MTA3: variants seen among roughly 807,000 people sequenced by gnomAD.
The protein encoded by MTA3 is metastasis associated 1 family member 3.
A neutral mutation model predicts 83.5 loss-of-function variants in MTA3; 34 were observed. That is an observed-to-expected ratio of 0.41 (90% CI 0.31 to 0.54). MTA3 has a LOEUF of 0.54. Ranked by LOEUF, MTA3 falls within the 20% of genes least tolerant of loss-of-function variation. The pLI is 0.33. For missense variants in MTA3, 761 were observed against 726.4 expected, an observed-to-expected ratio of 1.05 and a Z score of -0.55; for synonymous variants, 303 against 252.7, an observed-to-expected ratio of 1.20 and a Z score of -1.89.
At chr2:42,619,281 C>T (rs1685264660) in intron 4 of MTA3, among the ~76,000 whole-genome samples, 1 of 152,118 alleles carries the variant, frequency 6.6e-6, no homozygotes, top group Admixed American at 6.6e-5. Flanking sequence ...AAAACTAACC[C>T]AGTGTCACTG....
chr2:42,584,965 T>A (rs1015509861), intron 3 of MTA3, among the ~76,000 whole-genome samples: 1 of 151,652 alleles, frequency 6.6e-6, no homozygotes, highest in African/African-American at 2.4e-5. Context: ...AGAGTCTCGC[T>A]CTGTCACCTA....
At chr2:42,552,855 C>G (rs1677180609) in intron 2 of MTA3, among the ~76,000 whole-genome samples, 1 of 151,514 alleles carries the variant, frequency 6.6e-6, no homozygotes, top group South Asian at 2.1e-4. Flanking sequence ...GAGGCTGAGG[C>G]AGGAGAATTG....
At chr2:42,636,609 C>T (rs1363602469) in intron 4 of MTA3, among the ~76,000 whole-genome samples, 4 of 150,054 alleles carry the variant, frequency 2.7e-5, no homozygotes, top group African/African-American at 9.8e-5. Flanking sequence ...CTAATTTAAA[C>T]TTCTTTCTCT....
At chr2:42,568,925 C>T (rs1475664293) in intron 1 of MTA3, among the ~76,000 whole-genome samples, 152 bp downstream of exon 1, 2 of 151,420 alleles carry the variant, frequency 1.3e-5, no homozygotes, top group African/African-American at 2.4e-5. Context: ...GGCCGGGACT[C>T]CCCACCCCCA....
intron 2 of MTA3, among the ~76,000 whole-genome samples, chr2:42,553,156 T>G (rs1677198913): frequency 6.6e-6 from 1 of 151,606 alleles, no homozygotes; most frequent in South Asian, 2.1e-4. Context: ...CCGGGCGCAG[T>G]GGCTCAAGCC....
intron 16 of MTA3, among the ~76,000 whole-genome samples, chr2:42,725,402 C>T (rs1667737187): frequency 6.6e-6 from 1 of 152,214 alleles, no homozygotes; most frequent in Non-Finnish European, 1.5e-5. Context: ...AATCGTGGCT[C>T]TCAAATGCAC....
chr2:42,658,211 A>G (rs1689347864), intron 7 of MTA3, among the ~76,000 whole-genome samples: 1 of 152,120 alleles, frequency 6.6e-6, no homozygotes, highest in Non-Finnish European at 1.5e-5. Context: ...TTTAGAACCA[A>G]TACTCTCATA....
intron 2 of MTA3, among the ~76,000 whole-genome samples, chr2:42,525,551 C>A (rs13012890): frequency 0.31 from 42,972 of 137,750 alleles, 6,188 homozygotes; most frequent in South Asian, 0.36. Flanking sequence ...TTCATTCCTT[C>A]CCCTTACTTC....
At chr2:42,567,728 T>C (rs1432198400), upstream of MTA3, among the ~76,000 whole-genome samples, 1 of 151,268 alleles carries the variant, frequency 6.6e-6, no homozygotes, top group East Asian at 2.0e-4. Flanking sequence ...ACAATAACCA[T>C]TTAGAAGCTT....
At chr2:42,603,737 G>T (rs957656903) in intron 3 of MTA3, among the ~76,000 whole-genome samples, 2 of 152,156 alleles carry the variant, frequency 1.3e-5, no homozygotes, top group African/African-American at 4.8e-5. Context: ...GGGTCTATGA[G>T]GTCAACACAA....
chr2:42,572,656 T>C (rs1016142199), intron 2 of MTA3, among the ~76,000 whole-genome samples: 1 of 152,174 alleles, frequency 6.6e-6, no homozygotes, highest in African/African-American at 2.4e-5. Context: ...CACATTAAGA[T>C]TTGTCCGAGA....
At chr2:42,674,223 C>T (rs1387856456) in intron 8 of MTA3, among the ~76,000 whole-genome samples, 1 of 152,232 alleles carries the variant, frequency 6.6e-6, no homozygotes. Context: ...CCAAGCCCAA[C>T]ATCAGTGGAG....
intron 2 of MTA3, among the ~76,000 whole-genome samples, chr2:42,557,198 G>A (rs1677435577): frequency 6.6e-6 from 1 of 151,898 alleles, no homozygotes; most frequent in East Asian, 1.9e-4. Flanking sequence ...AGCAGATATC[G>A]CACCACTGCA....
At chr2:42,614,097 T>C (rs1414861533) in intron 4 of MTA3, 1 of 152,234 alleles carries the variant, frequency 6.6e-6, no homozygotes, top group Non-Finnish European at 1.5e-5. Context: ...TCTTCATTAA[T>C]AGATTTTCTT....
chr2:42,498,552 G>A (rs1394149293), intron 2 of MTA3, among the ~76,000 whole-genome samples: 1 of 152,110 alleles, frequency 6.6e-6, no homozygotes, highest in East Asian at 1.9e-4. Context: ...CGGGGGAGGC[G>A]CACACATGCA....
chr2:42,528,281 C>T lies in MTA3; in HGVS notation c.-141+33027C>T, dbSNP rs1192102495. On this transcript the variant is annotated intron_variant, in intron 2 of 17. Transcript: ENST00000405592. The stretch of plus-strand genomic sequence containing the variant: ...TGTTGCCCAGGGTGGAGTGCGGTGG[C>T]GTGATCTCGGCTCCTGCAGCCTCCG... Among the ~76,000 whole-genome samples, 6 of 147,064 alleles carry T rather than the reference C, an allele frequency of 4.1e-5. No homozygotes were observed. The East Asian group carries it at 6.1e-4, about 15-fold the overall frequency.
chr2:42,525,226 G>A (rs1348018930), intron 2 of MTA3, among the ~76,000 whole-genome samples: 1 of 149,228 alleles, frequency 6.7e-6, no homozygotes, highest in African/African-American at 2.5e-5. Context: ...TGAGTTTGGG[G>A]TTTTGCTTTG....
chr2:42,628,164 G>A (rs1378824609), intron 4 of MTA3, among the ~76,000 whole-genome samples: 11 of 152,236 alleles, frequency 7.2e-5, no homozygotes, highest in Admixed American at 7.2e-4. Context: ...TTACATGCTT[G>A]AGCCACCGTG....
chr2:42,689,128 A>G (rs1692655363), intron 9 of MTA3, among the ~76,000 whole-genome samples: 1 of 152,210 alleles, frequency 6.6e-6, no homozygotes. Flanking sequence ...GATATGGTGA[A>G]TAACATTGAT....
Sources: allele counts gnomAD v4.1 joint callset (sites outside exome capture counted in the v4.1 genomes callset), GRCh38; gene constraint gnomAD v4.1.1; transcripts MANE v1.5; gene names NCBI Gene and HGNC (gene_info 2026-07-23, HGNC 2026-07-21).